CELF2: variants seen among roughly 807,000 people sequenced by gnomAD.
CELF2 encodes the protein CUGBP Elav-like family member 2.
A neutral mutation model predicts 62.6 loss-of-function variants in CELF2; 8 were observed. That is an observed-to-expected ratio of 0.13 (90% CI 0.07 to 0.23). CELF2 has a LOEUF of 0.23. Among genes scored for constraint, CELF2 ranks in the 10% least tolerant of loss-of-function variants. CELF2 has a pLI of 1.00. For synonymous variants in CELF2, 258 were observed against 250.0 expected, an observed-to-expected ratio of 1.03 and a Z score of -0.30; for missense variants, 333 against 671.0, an observed-to-expected ratio of 0.50 and a Z score of 5.56.
At chr10:10,792,254 A>C in the CELF2 span, 2 of 396,332 alleles carry the variant, frequency 5.0e-6, no homozygotes, top group Non-Finnish European at 8.9e-6. Flanking sequence ...CTTGAATTAC[A>C]TTAACAAGTT....
At chr10:11,265,398 A>C (rs976182171) in intron 5 of CELF2, among the ~76,000 whole-genome samples, 2 of 152,252 alleles carry the variant, frequency 1.3e-5, no homozygotes, top group African/African-American at 4.8e-5. Flanking sequence ...GTGGAACACT[A>C]AATTATTCTC....
In CELF2 at chr10:11,086,603, A is replaced by AAAAAAC. The variant is rs2046857776; in HGVS notation, c.74+68445_74+68446insCAAAAA. On this transcript the variant is annotated intron_variant, in intron 1 of 12. Coordinates refer to ENST00000633077, the MANE Select transcript of CELF2 (RefSeq NM_001326342.2). ...TAAAAAAAAAAAAAAAAAAAAAAAAAAAAAAAACTCCCGACAGCACCAGCA... is the reference window on the plus strand; with the variant it reads ...TAAAAAAAAAAAAAAAAAAAAAAAAAAAAAACAAAAAAACTCCCGACAGCACCAGCA... Among the ~76,000 whole-genome samples, 4 of 114,566 alleles carry AAAAAAC rather than the reference A, an allele frequency of 3.5e-5. 1 individual carries two copies. The highest frequency in any genetic ancestry group is 8.3e-5 in the Admixed American group (1 of 11,984). 75.2% of individuals were successfully genotyped at this position (114,566 alleles called of 152,430 possible). A position where few individuals can be genotyped will look rare whatever the true frequency, so the allele number is the denominator to read the frequency against.
intron 1 of CELF2, among the ~76,000 whole-genome samples, chr10:10,909,746 T>C (rs1224247536): frequency 6.6e-6 from 1 of 152,266 alleles, no homozygotes; most frequent in Non-Finnish European, 1.5e-5. Flanking sequence ...CAAAAGGGAA[T>C]CAGTGAAATG....
At chr10:11,107,823 C>T (rs566862955) in intron 1 of CELF2, among the ~76,000 whole-genome samples, 58 of 138,694 alleles carry the variant, frequency 4.2e-4, no homozygotes, top group South Asian at 7.5e-4. Context: ...TCTTCTTCCC[C>T]CTCCTCCCTC....
chr10:11,173,988 C>T (rs1048947939), intron 2 of CELF2, among the ~76,000 whole-genome samples: 2 of 152,046 alleles, frequency 1.3e-5, no homozygotes, highest in South Asian at 2.1e-4. Context: ...GAAGATGTTC[C>T]GACCCATACT....
the CELF2 span, among the ~76,000 whole-genome samples, chr10:10,753,688 T>A: frequency 6.6e-6 from 1 of 152,230 alleles, no homozygotes; most frequent in Admixed American, 6.5e-5. Flanking sequence ...AGATGAACAG[T>A]TGACTTTTGA....
chr10:10,983,330 G>A lies in CELF2; in HGVS notation c.89+63331G>A, dbSNP rs529713503. On this transcript the variant is annotated intron_variant, in intron 2 of 13. Transcript: ENST00000636488. This position sits in a 1 kb window ranked among gnomAD's most constrained non-coding sequence, Gnocchi z 5.2. ...AGGGTGCTTGGGGGTAGGGTATTCA[G>A]TTAGTAACCTGTATCTAAGTTGATA... 7.8e-4 allele frequency among the ~76,000 whole-genome samples: 119 copies of A among 152,252 alleles called. 2 individuals are homozygous for A. The highest frequency in any genetic ancestry group is 1.5e-3 in the Non-Finnish European group (100 of 68,020).
At chr10:10,887,207 A>G (rs1244044092) in intron 1 of CELF2, among the ~76,000 whole-genome samples, 1 of 151,986 alleles carries the variant, frequency 6.6e-6, no homozygotes, top group African/African-American at 2.4e-5. Flanking sequence ...CATCAGATAC[A>G]GGCACATCAT....
chr10:10,784,149 G>C, the CELF2 span, among the ~76,000 whole-genome samples: 1 of 152,198 alleles, frequency 6.6e-6, no homozygotes, highest in Non-Finnish European at 1.5e-5. Flanking sequence ...CCCCCTTGCA[G>C]GATGAGCAAC....
chr10:10,699,751 T>C, the CELF2 span, among the ~76,000 whole-genome samples: 1 of 152,212 alleles, frequency 6.6e-6, no homozygotes, highest in South Asian at 2.1e-4. Flanking sequence ...TGGAGCCTTG[T>C]TGATCATTGT....
chr10:10,705,448 A>T, the CELF2 span, among the ~76,000 whole-genome samples: 22 of 151,510 alleles, frequency 1.5e-4, no homozygotes, highest in African/African-American at 5.1e-4. Context: ...TTAAATATTT[A>T]ATTTCCTATT....
intron 9 of CELF2, among the ~76,000 whole-genome samples, chr10:11,293,400 A>T (rs1056086083): frequency 6.6e-6 from 1 of 152,252 alleles, no homozygotes; most frequent in Non-Finnish European, 1.5e-5. Context: ...ATATGAATCA[A>T]TGCAAATGCC....
chr10:11,266,729 T>C (rs913155000), intron 6 of CELF2, 52 bp downstream of exon 6: 1 of 1,438,482 alleles, frequency 7.0e-7, no homozygotes, highest in Non-Finnish European at 9.8e-7. Context: ...TGATGGGGAA[T>C]GGTAAAGCAA....
intron 8 of CELF2, among the ~76,000 whole-genome samples, chr10:11,277,540 C>T (rs2086618510): frequency 6.6e-6 from 1 of 152,188 alleles, no homozygotes; most frequent in Non-Finnish European, 1.5e-5. Flanking sequence ...CATGAGTATC[C>T]TCGAGTGGAT....
the CELF2 span, among the ~76,000 whole-genome samples, chr10:10,517,275 T>C: frequency 6.6e-6 from 1 of 152,098 alleles, no homozygotes; most frequent in African/African-American, 2.4e-5. Context: ...GGAACTGGCC[T>C]GAAGTGGTAG....
the CELF2 span, among the ~76,000 whole-genome samples, chr10:10,689,651 A>G: frequency 1.8e-4 from 27 of 152,334 alleles, no homozygotes; most frequent in Middle Eastern, 0.014. Flanking sequence ...CTAACACCAG[A>G]AAAGGCATTC....
At chr10:11,005,236 T>A (rs1394216994), upstream of CELF2, 7 of 1,461,364 alleles carry the variant, frequency 4.8e-6, no homozygotes, top group African/African-American at 1.1e-4. This position sits in a 1 kb window ranked among gnomAD's most constrained non-coding sequence, Gnocchi z 4.3. Flanking sequence ...GGGAAGAGAG[T>A]GGGAAGACAG....
chr10:11,034,277 C>T (rs145524978), intron 1 of CELF2, among the ~76,000 whole-genome samples: 172 of 152,118 alleles, frequency 1.1e-3, no homozygotes, highest in Middle Eastern at 0.01. Context: ...AGAAATTAAC[C>T]GATGTAACTT....
In CELF2 at chr10:11,185,564, G is replaced by A. The variant is rs562111739; in HGVS notation, c.271+19882G>A. On this transcript the variant is annotated intron_variant, in intron 2 of 12. Transcript: ENST00000633077. ...AGAGTAGCTGGGATTACAGCCACGC[G>A]CCAACATGCTTGGCTAATTTTGTAT... 4.6e-5 allele frequency among the ~76,000 whole-genome samples: 7 copies of A among 152,188 alleles called. No homozygotes were observed. The South Asian group carries it at 6.2e-4, about 14-fold the overall frequency.
Sources: allele counts gnomAD v4.1 joint callset (sites outside exome capture counted in the v4.1 genomes callset), GRCh38; gene constraint gnomAD v4.1.1; non-coding constraint Gnocchi (gnomAD v3.1); transcripts MANE v1.5; gene names NCBI Gene and HGNC (gene_info 2026-07-23, HGNC 2026-07-21).